CTNNA3: variants seen among roughly 807,000 people sequenced by gnomAD.
CTNNA3 encodes catenin alpha 3, also known as catenin alpha-3.
CTNNA3 carries 76 observed loss-of-function variants against 95.7 expected under a neutral mutation model. The observed-to-expected ratio is 0.79, with a 90% CI of 0.66 to 0.96. CTNNA3 has a LOEUF of 0.96. Among genes scored for constraint, CTNNA3 ranks in the 40% least tolerant of loss-of-function variants. CTNNA3 has a pLI of 0.00. For synonymous variants in CTNNA3, 431 were observed against 374.4 expected (o/e 1.15, Z -1.74); for missense variants, 1,191 against 1,089.8 (o/e 1.09, Z -1.31).
chr10:66,372,730 C>T (rs148871632), intron 12 of CTNNA3, among the ~76,000 whole-genome samples: 362 of 152,224 alleles, frequency 2.4e-3, no homozygotes, highest in African/African-American at 8.3e-3. Context: ...GCAGAAGGCA[C>T]CTCTTCACAG....
chr10:66,513,723 C>A (rs1456092170), intron 11 of CTNNA3, among the ~76,000 whole-genome samples: 1 of 152,192 alleles, frequency 6.6e-6, no homozygotes, highest in African/African-American at 2.4e-5. Context: ...TGTGCAGGCA[C>A]ATGATGGCCC....
chr10:67,453,124 C>T (rs1288849452), intron 5 of CTNNA3, among the ~76,000 whole-genome samples: 1 of 152,114 alleles, frequency 6.6e-6, no homozygotes, highest in Non-Finnish European at 1.5e-5. Context: ...CCAGCTGCCT[C>T]CACTGATCAT....
At chr10:66,882,498 G>A (rs1051700589) in intron 7 of CTNNA3, among the ~76,000 whole-genome samples, 6 of 152,104 alleles carry the variant, frequency 3.9e-5, no homozygotes, top group African/African-American at 1.4e-4. Flanking sequence ...ACACAGTCCA[G>A]TGTGCCAATG....
intron 17 of CTNNA3, among the ~76,000 whole-genome samples, chr10:65,923,637 A>C (rs760223131): frequency 1.3e-5 from 2 of 152,214 alleles, no homozygotes; most frequent in Non-Finnish European, 2.9e-5. Flanking sequence ...CTTCTAATTA[A>C]ATTGAGAAGG....
At chr10:66,675,730 GC>G (rs1846829853) in intron 9 of CTNNA3, among the ~76,000 whole-genome samples, 1 of 151,986 alleles carries the variant, frequency 6.6e-6, no homozygotes, top group African/African-American at 2.4e-5. Context: ...GAGACATCCA[GC>G]CTGAATCATT....
In CTNNA3 at chr10:66,959,483, G is replaced by A. The variant is rs143794567; in HGVS notation, c.1048-183959C>T. Among the ~76,000 whole-genome samples, 5 of 152,288 alleles carry A rather than the reference G, an allele frequency of 3.3e-5. No homozygotes were observed. The East Asian group carries it at 7.7e-4, about 24-fold the overall frequency. Reference sequence around the variant, plus strand: ...AATTGGGCCAAGAGAACAAAAATATGCAAGGGTTCAGAATTCAGTCCCCTG... The same window carrying A: ...AATTGGGCCAAGAGAACAAAAATATACAAGGGTTCAGAATTCAGTCCCCTG... On this transcript the variant is annotated intron_variant, in intron 7 of 17. Coordinates refer to ENST00000433211, the MANE Select transcript of CTNNA3 (RefSeq NM_013266.4).
At chr10:66,694,017 C>A (rs1847662007) in intron 9 of CTNNA3, among the ~76,000 whole-genome samples, 1 of 151,878 alleles carries the variant, frequency 6.6e-6, no homozygotes, top group Admixed American at 6.6e-5. Flanking sequence ...CAGGAAACAT[C>A]CAAAATTGAC....
chr10:67,134,593 A>G (rs1000943826), intron 7 of CTNNA3, among the ~76,000 whole-genome samples: 1 of 152,138 alleles, frequency 6.6e-6, no homozygotes, highest in African/African-American at 2.4e-5. Flanking sequence ...GCACCCATCA[A>G]GAGAGCAAGG....
At chr10:66,122,999 C>T (rs1352659463) in intron 13 of CTNNA3, among the ~76,000 whole-genome samples, 1 of 152,010 alleles carries the variant, frequency 6.6e-6, no homozygotes, top group Non-Finnish European at 1.5e-5. Context: ...CATATAATTC[C>T]ACCCCAGCCC....
rs1052402690 is a variant in CTNNA3 at position 66,954,449 on chromosome 10, AG to A, written c.1048-178926del. On this transcript the variant is annotated intron_variant, in intron 7 of 17. Transcript: ENST00000433211. ...ATGTGACAACATTCAGGCAAAGGCAAGGCTACTATGTACAGGAGAGCATGTT... is the reference window on the plus strand; with the variant it reads ...ATGTGACAACATTCAGGCAAAGGCAAGCTACTATGTACAGGAGAGCATGTT... Among the ~76,000 whole-genome samples the A allele has an allele frequency of 6.9e-4, 105 of 152,324 alleles. 1 individual carries two copies. The highest frequency in any genetic ancestry group is 2.2e-3 in the African/African-American group (92 of 41,592).
intron 9 of CTNNA3, among the ~76,000 whole-genome samples, chr10:66,660,722 T>C (rs1846232551): frequency 6.6e-6 from 1 of 152,146 alleles, no homozygotes. Context: ...TCTTTTCAGG[T>C]TTTTGCTCAA....
intron 10 of CTNNA3, among the ~76,000 whole-genome samples, chr10:66,604,025 AT>A (rs769919516): frequency 2.0e-4 from 31 of 152,212 alleles, no homozygotes; most frequent in African/African-American, 7.5e-4. Flanking sequence ...CTGGGCAAAG[AT>A]TTTTTTAGGT....
chr10:66,825,022 T>A (rs1451476196), intron 7 of CTNNA3, among the ~76,000 whole-genome samples: 1 of 151,690 alleles, frequency 6.6e-6, no homozygotes, highest in Admixed American at 6.6e-5. Flanking sequence ...TCCTGCAACT[T>A]TTCTGTAAAT....
chr10:66,724,157 G>T (rs1848711950), intron 9 of CTNNA3, among the ~76,000 whole-genome samples: 1 of 152,118 alleles, frequency 6.6e-6, no homozygotes, highest in African/African-American at 2.4e-5. Context: ...AAACGATGAA[G>T]TACTTGCATG....
intron 7 of CTNNA3, among the ~76,000 whole-genome samples, chr10:67,179,701 C>T (rs1054146201): frequency 1.3e-5 from 2 of 151,902 alleles, no homozygotes; most frequent in Admixed American, 1.3e-4. Flanking sequence ...TGGTAACACA[C>T]CTGTAGTCCA....
chr10:66,159,035 G>A (rs1395778002), intron 13 of CTNNA3, among the ~76,000 whole-genome samples: 1 of 151,934 alleles, frequency 6.6e-6, no homozygotes, highest in African/African-American at 2.4e-5. Context: ...CTGAATTCTT[G>A]TATCAGTTCT....
intron 11 of CTNNA3, among the ~76,000 whole-genome samples, chr10:66,461,150 CA>C (rs1564985521): frequency 6.6e-6 from 1 of 152,026 alleles, no homozygotes; most frequent in East Asian, 1.9e-4. Context: ...AATACAAGTA[CA>C]AAGTAGACAT....
At chr10:67,151,419 A>T (rs1428400210) in intron 7 of CTNNA3, among the ~76,000 whole-genome samples, 1 of 152,240 alleles carries the variant, frequency 6.6e-6, no homozygotes, top group African/African-American at 2.4e-5. Flanking sequence ...GACACCAAGT[A>T]TCATATGGAA....
At chr10:66,066,053 G>C (rs1473270007) in intron 15 of CTNNA3, among the ~76,000 whole-genome samples, 1 of 151,914 alleles carries the variant, frequency 6.6e-6, no homozygotes, top group Non-Finnish European at 1.5e-5. Context: ...AGTAGAGACA[G>C]GGTTTCTCTA....
Sources: allele counts gnomAD v4.1 joint callset (sites outside exome capture counted in the v4.1 genomes callset), GRCh38; gene constraint gnomAD v4.1.1; transcripts MANE v1.5; gene names NCBI Gene and HGNC (gene_info 2026-07-23, HGNC 2026-07-21).